RORC: variants seen among roughly 807,000 people sequenced by gnomAD.
The protein encoded by RORC is RAR related orphan receptor C, also known as nuclear receptor ROR-gamma.
A neutral mutation model predicts 64.5 loss-of-function variants in RORC; 13 were observed. The observed-to-expected ratio is 0.20, with a 90% confidence interval of 0.13 to 0.32. RORC has a LOEUF of 0.32. Among genes scored for constraint, RORC ranks in the 10% least tolerant of loss-of-function variants. The pLI is 1.00. For missense variants in RORC, 468 were observed against 669.5 expected (o/e 0.70, Z 3.32); for synonymous variants, 277 against 259.3 (o/e 1.07, Z -0.65).
intron 9 of RORC, 174 bp downstream of exon 9, chr1:151,812,773 C>T (rs1651590647): frequency 1.8e-6 from 1 of 541,124 alleles, no homozygotes; most frequent in African/African-American, 1.9e-5. Flanking sequence ...CTCTGAGAGT[C>T]CTCTGAATCT....
At chr1:151,816,548 G>A in intron 4 of RORC, 116 bp downstream of exon 4, 1 of 1,094,090 alleles carries the variant, frequency 9.1e-7, no homozygotes, top group Non-Finnish European at 1.3e-6. Context: ...GGGAGGAATG[G>A]AGAGGAGACC....
chr1:151,820,264 G>A (rs1355418494), intron 2 of RORC, among the ~76,000 whole-genome samples: 1 of 152,106 alleles, frequency 6.6e-6, no homozygotes, highest in Non-Finnish European at 1.5e-5. Flanking sequence ...CGGGAAGGGG[G>A]CTGGTAGACT....
In RORC at chr1:151,817,131, TGC is replaced by T. The variant is rs778473719; in HGVS notation, c.156+62_156+63del. Reference sequence around the variant, plus strand: ...GAGACACTGTGTGTGTGTGTGTGTGTGCGCGCGCGCGCGCTTGTGTATGCACA... The same window carrying T: ...GAGACACTGTGTGTGTGTGTGTGTGTGCGCGCGCGCGCTTGTGTATGCACA... On this transcript the variant is annotated intron_variant, in intron 3 of 10. Coordinates refer to ENST00000318247, the MANE Select transcript of RORC (RefSeq NM_005060.4). The T allele has an allele frequency of 0.019, 17,103 of 901,320 alleles. 1,648 individuals carry two copies. In the African/African-American group the frequency reaches 0.24, roughly 13 times the overall value. 55.8% of individuals were successfully genotyped at this position (901,320 alleles called of 1,614,324 possible).
In RORC at chr1:151,813,567, C is replaced by T. The variant is rs1572036625; in HGVS notation, c.987G>A (p.Gln329=). ...RCAHHLTEAI[Q]YVVEFAKRLS... The stretch of plus-strand genomic sequence containing the variant: ...GCCTCTTGGCGAACTCCACCACGTA[C>T]TGAATGGCCTCGGTGAGGTGGTGGG... Residue 329 remains glutamine (Q), a synonymous_variant, in exon 7 of 11, where the codon CAG becomes CAA. Transcript: ENST00000318247. 1.9e-6 allele frequency: 3 copies of T among 1,614,202 alleles called. No homozygotes were observed. The highest frequency in any genetic ancestry group is 2.5e-6 in the Non-Finnish European group (3 of 1,180,012).
intron 2 of RORC, chr1:151,826,107 A>G: frequency 1.4e-6 from 2 of 1,390,594 alleles, no homozygotes; most frequent in Non-Finnish European, 9.3e-7. Flanking sequence ...GGGGGGTTTA[A>G]GCTCTGCACC....
chr1:151,831,520 T>C (rs1291582894), intron 1 of RORC: 1 of 384,526 alleles, frequency 2.6e-6, no homozygotes, highest in African/African-American at 2.2e-5. Flanking sequence ...TTCTCTCCTT[T>C]TGCGATTTCT....
chr1:151,817,177 C>T lies in RORC; in HGVS notation c.156+18G>A. The T allele has an allele frequency of 3.8e-6, 6 of 1,568,488 alleles. No individual in the cohort carries two copies. The highest frequency in any genetic ancestry group is 3.3e-5 in the South Asian group (3 of 90,138). ...ATGCACACGCACACATGCATGCATA[C>T]ACATGCCTATGACTCACCTTGCACC... On this transcript the variant is annotated intron_variant, in intron 3 of 10. Transcript: ENST00000318247.
At chr1:151,824,312 G>A (rs1485300054) in intron 2 of RORC, among the ~76,000 whole-genome samples, 1 of 152,162 alleles carries the variant, frequency 6.6e-6, no homozygotes, top group Non-Finnish European at 1.5e-5. Context: ...TGTGGTGGGG[G>A]TGGGAATAAT....
rs1442756286 is a variant in RORC at position 151,830,178 on chromosome 1, C to A, written c.41-720G>T. Among the ~76,000 whole-genome samples the A allele has an allele frequency of 6.6e-6, 1 of 152,152 alleles. No homozygotes were observed. The highest frequency in any genetic ancestry group is 1.5e-5 in the Non-Finnish European group (1 of 68,034). On this transcript the variant is annotated intron_variant, in intron 1 of 10. Transcript: ENST00000318247. The surrounding 1 kb of genome is among the most constrained non-coding windows in gnomAD (Gnocchi z 4.0). ...AATACAGACCCCTCTCTGGCTTCCA[C>A]GGGCCAGGCTTCCCTGGCCTACCAG...
At chr1:151,819,303 T>C (rs1014761511) in intron 2 of RORC, among the ~76,000 whole-genome samples, 1 of 152,198 alleles carries the variant, frequency 6.6e-6, no homozygotes, top group African/African-American at 2.4e-5. Flanking sequence ...TATTATTGCC[T>C]GTCCATGGGG....
At chr1:151,815,668 A>G (rs1394662087) in intron 4 of RORC, among the ~76,000 whole-genome samples, 2 of 152,180 alleles carry the variant, frequency 1.3e-5, no homozygotes, top group African/African-American at 2.4e-5. Flanking sequence ...CTAAGTTCTA[A>G]ATCAGATTTG....
chr1:151,826,271 T>C (rs752294087), intron 2 of RORC, among the ~76,000 whole-genome samples: 3 of 152,086 alleles, frequency 2.0e-5, no homozygotes, highest in Admixed American at 2.0e-4. Flanking sequence ...CAAAACCACA[T>C]GCGACAGCCA....
At chr1:151,826,791 G>A (rs186840331) in intron 2 of RORC, among the ~76,000 whole-genome samples, 3 of 152,252 alleles carry the variant, frequency 2.0e-5, no homozygotes, top group South Asian at 2.1e-4. Flanking sequence ...AATGGTTCTC[G>A]ATGTTTTATG....
rs1164238690 is a variant in RORC, at chr1:151,806,459, TG to T, written c.*1012del. ...CAGTGCGAGCGACTTCTGCTTCTCTTGGGTCTTCTAGTGGTAGAAGACAGCT... is the reference window on the plus strand; with the variant it reads ...CAGTGCGAGCGACTTCTGCTTCTCTTGGTCTTCTAGTGGTAGAAGACAGCT... On this transcript the variant is annotated 3_prime_UTR_variant, in exon 11 of 11. Transcript: ENST00000318247. 6.5e-6 allele frequency: 1 copy of T among 153,188 alleles called. No homozygotes were observed. The highest frequency in any genetic ancestry group is 1.5e-5 in the Non-Finnish European group (1 of 68,056). The allele number at this position is 153,188 out of a possible 1,614,324, so 9.5% of individuals were successfully genotyped here. A position where few individuals can be genotyped will look rare whatever the true frequency, so the allele number is the denominator to read the frequency against.
chr1:151,808,496 GCAGT>G (rs1651398985), intron 10 of RORC, among the ~76,000 whole-genome samples: 1 of 152,152 alleles, frequency 6.6e-6, no homozygotes, highest in Non-Finnish European at 1.5e-5. Context: ...TTGGAAAGAG[GCAGT>G]CAGAGAAAAG....
At position 151,814,904 on chromosome 1, in the gene RORC, G is replaced by T; in HGVS notation, c.811+9C>A. The T allele has an allele frequency of 6.2e-7, 1 of 1,608,842 alleles. No individual in the cohort carries two copies. ...CTCTACCACCCTCTCCACCTCCCCA[G>T]CTGCTCACCTATCTCTGTCAGGGAG... On this transcript the variant is annotated intron_variant, in intron 5 of 10. Transcript: ENST00000318247.
Position 151,816,788 on chromosome 1 carries a change from G to A in RORC, c.174C>T (p.Ser58=). The change falls in exon 4 of 11, where the codon AGC becomes AGT. Residue 58 remains serine (S), a synonymous_variant. Transcript: ENST00000318247. ...AGGAGTAGGCCGCGTTACAGCGCTGGCTCCGGCGGAAGAAGCCCTGGGGAA... is the reference window on the plus strand; with the variant it reads ...AGGAGTAGGCCGCGTTACAGCGCTGACTCCGGCGGAAGAAGCCCTGGGGAA... The part of the protein sequence containing the change: ...CEGCKGFFRR[S]QRCNAAYSCT... 6.5e-7 allele frequency: 1 copy of A among 1,548,806 alleles called. No homozygotes were observed. The highest frequency in any genetic ancestry group is 8.8e-7 in the Non-Finnish European group (1 of 1,142,026).
At position 151,815,266 on chromosome 1, in the gene RORC, A is replaced by T; in HGVS notation, c.458T>A (p.Leu153His). ...GADTLTYTLG[L>H]PDGQLPLGSS... ...GCCCAGGGGCAGCTGCCCGTCTGGG[A>T]GCCCCAAGGTGTAGGTGAGGGTATC... The change falls in exon 5 of 11, where the codon CTC becomes CAC. Residue 153 changes from leucine to histidine, a missense_variant. Leu to His is a moderately conservative substitution (Grantham distance 99, BLOSUM62 -3). Transcript: ENST00000318247. The T allele has an allele frequency of 6.2e-7, 1 of 1,609,690 alleles. No homozygotes were observed. The highest frequency in any genetic ancestry group is 8.5e-7 in the Non-Finnish European group (1 of 1,176,964).
chr1:151,828,689 G>A (rs558159554), intron 2 of RORC, among the ~76,000 whole-genome samples: 1 of 152,288 alleles, frequency 6.6e-6, no homozygotes, highest in African/African-American at 2.4e-5. Flanking sequence ...GGACCACAGA[G>A]CTTGGTGCAG....
Sources: allele counts gnomAD v4.1 joint callset (sites outside exome capture counted in the v4.1 genomes callset), GRCh38; gene constraint gnomAD v4.1.1; non-coding constraint Gnocchi (gnomAD v3.1); transcripts MANE v1.5; gene names NCBI Gene and HGNC (gene_info 2026-07-23, HGNC 2026-07-21).